STK39: variants seen among roughly 807,000 people sequenced by gnomAD.
STK39 encodes serine/threonine kinase 39.
Under a neutral mutation model 77.8 loss-of-function variants are expected in STK39, and 20 were observed. The observed-to-expected ratio is 0.26, with a 90% CI of 0.18 to 0.37. The LOEUF is 0.37. Ranked by LOEUF, STK39 falls within the 10% of genes least tolerant of loss-of-function variation. The pLI is 1.00. For synonymous variants in STK39, 246 were observed against 234.1 expected, an observed-to-expected ratio of 1.05 and a Z score of -0.47; for missense variants, 479 against 656.5, an observed-to-expected ratio of 0.73 and a Z score of 2.95.
intron 1 of STK39, among the ~76,000 whole-genome samples, chr2:168,223,547 C>T (rs997329235): frequency 6.6e-6 from 1 of 150,528 alleles, no homozygotes; most frequent in East Asian, 1.9e-4. Flanking sequence ...AAATTCACTT[C>T]TTATCCTGAA....
chr2:167,994,236 T>C (rs1261949752), intron 16 of STK39, among the ~76,000 whole-genome samples: 1 of 152,218 alleles, frequency 6.6e-6, no homozygotes, highest in East Asian at 1.9e-4. Context: ...TCTATAAGGA[T>C]TGTTCCACCA....
intron 5 of STK39, among the ~76,000 whole-genome samples, chr2:168,144,887 G>A (rs1688093700): frequency 1.3e-5 from 2 of 151,828 alleles, no homozygotes; most frequent in Admixed American, 1.3e-4. Context: ...AGGATGAAAT[G>A]GGAGAATCGC....
At chr2:168,178,086 G>A (rs1225493094) in intron 2 of STK39, among the ~76,000 whole-genome samples, 3 of 152,166 alleles carry the variant, frequency 2.0e-5, no homozygotes, top group Non-Finnish European at 4.4e-5. Context: ...GATAATTCTG[G>A]TGTTAACAAG....
intron 17 of STK39, among the ~76,000 whole-genome samples, chr2:167,957,345 GGC>G (rs1319692046): frequency 6.6e-6 from 1 of 152,114 alleles, no homozygotes. Context: ...TGTTGACAGG[GGC>G]GATGAGGTCT....
intron 16 of STK39, among the ~76,000 whole-genome samples, chr2:168,005,906 A>G (rs1180026339): frequency 1.3e-5 from 2 of 152,180 alleles, no homozygotes; most frequent in Non-Finnish European, 2.9e-5. Flanking sequence ...AATAGTCCAA[A>G]AGTCTACTGA....
chr2:167,961,037 C>T lies in STK39; in HGVS notation c.1563+3625G>A, dbSNP rs140628868. ...AGTCTGGGGGCCACATGTGGACAGC[C>T]ACTCTTTTAGGCTGGGAGTAGGAGG... On this transcript the variant is annotated intron_variant, in intron 17 of 17. Coordinates refer to ENST00000355999, the MANE Select transcript of STK39 (RefSeq NM_013233.3). 7.7e-3 allele frequency among the ~76,000 whole-genome samples: 1,173 copies of T among 152,268 alleles called. 13 individuals are homozygous for T. Among genetic ancestry groups the T allele is most frequent in the Non-Finnish European group, 8.6e-3 (584 of 68,018 alleles).
intron 14 of STK39, among the ~76,000 whole-genome samples, chr2:168,060,894 C>T (rs767003830): frequency 2.0e-5 from 3 of 151,306 alleles, no homozygotes; most frequent in Non-Finnish European, 4.4e-5. Flanking sequence ...GACTCTTCGC[C>T]CTCAAACTAC....
At chr2:167,963,915 C>T (rs1440499323) in intron 17 of STK39, among the ~76,000 whole-genome samples, 1 of 152,174 alleles carries the variant, frequency 6.6e-6, no homozygotes, top group Non-Finnish European at 1.5e-5. Context: ...TTCTGACCAG[C>T]CTTTGATAAA....
intron 16 of STK39, among the ~76,000 whole-genome samples, chr2:167,989,029 A>G (rs1683633134): frequency 6.6e-6 from 1 of 152,136 alleles, no homozygotes; most frequent in African/African-American, 2.4e-5. Flanking sequence ...CCCAGCTTAC[A>G]TCTCTTGCTG....
intron 1 of STK39, among the ~76,000 whole-genome samples, chr2:168,191,875 G>A (rs1021300860): frequency 3.3e-5 from 5 of 152,222 alleles, no homozygotes; most frequent in Admixed American, 3.3e-4. Flanking sequence ...GCTGTAGGAA[G>A]CAGCTACCAC....
rs1168978114 is a variant in STK39, at chr2:168,042,474, C to A, written c.1376+21026G>T. 3.3e-5 allele frequency among the ~76,000 whole-genome samples: 5 copies of A among 152,114 alleles called. No individual in the cohort carries two copies. In the South Asian group the frequency reaches 8.3e-4, roughly 25 times the overall value. On this transcript the variant is annotated intron_variant, in intron 14 of 17. Transcript: ENST00000355999. ...GTTATGGCACAATTCCTATTTAAGT[C>A]CGGTTAGCCCAGTTCAAAGGTAGGG...
chr2:168,100,734 T>C (rs576679223), intron 10 of STK39, among the ~76,000 whole-genome samples: 1 of 152,322 alleles, frequency 6.6e-6, no homozygotes, highest in South Asian at 2.1e-4. Flanking sequence ...TGTGGAGAAG[T>C]AGGAACTCTT....
In STK39 at chr2:168,039,598, CCAAAAAAAA is replaced by C. The variant is rs1269194727; in HGVS notation, c.1377-22512_1377-22504del. On this transcript the variant is annotated intron_variant, in intron 14 of 17. Transcript: ENST00000355999. ...TGGGCGACAGAGCGAGACTCCGTCT[CCAAAAAAAA>C]AAAAAAAAAAAAAAAGCAGATCAGT... Among the ~76,000 whole-genome samples the C allele has an allele frequency of 9.9e-4, 129 of 130,766 alleles. 32 individuals are homozygous for C. The East Asian group carries it at 0.014, about 14-fold the overall frequency. 85.8% of individuals were successfully genotyped at this position (130,766 alleles called of 152,430 possible).
At chr2:168,199,364 A>G (rs1230239088) in intron 1 of STK39, among the ~76,000 whole-genome samples, 1 of 152,186 alleles carries the variant, frequency 6.6e-6, no homozygotes, top group Non-Finnish European at 1.5e-5. Context: ...CTATCTACAG[A>G]TCAGACACCA....
intron 2 of STK39, among the ~76,000 whole-genome samples, chr2:168,181,045 T>C (rs1259891890): frequency 3.9e-5 from 6 of 152,210 alleles, no homozygotes; most frequent in African/African-American, 1.4e-4. Context: ...TTAATGACAT[T>C]CCATTCTCAA....
intron 5 of STK39, among the ~76,000 whole-genome samples, chr2:168,149,707 C>T (rs17179976): frequency 0.032 from 4,891 of 152,310 alleles, 108 homozygotes; most frequent in Non-Finnish European, 0.051. Context: ...GCAAGAAAAC[C>T]GTTTAGCACA....
chr2:168,035,307 A>C (rs1464566716), intron 14 of STK39, among the ~76,000 whole-genome samples: 1 of 152,216 alleles, frequency 6.6e-6, no homozygotes, highest in Non-Finnish European at 1.5e-5. Context: ...AGTTCCTTTC[A>C]ATTTTAGAAT....
At chr2:168,168,854 G>A (rs1325320787) in intron 2 of STK39, among the ~76,000 whole-genome samples, 1 of 152,106 alleles carries the variant, frequency 6.6e-6, no homozygotes, top group African/African-American at 2.4e-5. Context: ...GTGGTGGTGT[G>A]CGCCTGTAGT....
rs1191744166 is a variant in STK39, at chr2:168,234,990, C to CA, written c.208+12237dup. On this transcript the variant is annotated intron_variant, in intron 1 of 17. Coordinates refer to ENST00000355999, the MANE Select transcript of STK39 (RefSeq NM_013233.3). ...CAACATAGTAAGATTCCATCTCTAACAAAAAAAAAAAAAATTTTAGTAGTA... is the reference window on the plus strand; with the variant it reads ...CAACATAGTAAGATTCCATCTCTAACAAAAAAAAAAAAAAATTTTAGTAGTA... Among the ~76,000 whole-genome samples, 824 of 123,476 alleles carry CA rather than the reference C, an allele frequency of 6.7e-3. 3 individuals are homozygous for CA. Among genetic ancestry groups the CA allele is most frequent in the Non-Finnish European group, 7.5e-3 (428 of 57,008 alleles). The allele number at this position is 123,476 out of a possible 152,430, so 81.0% of individuals were successfully genotyped here.
Sources: gnomAD v4.1 joint callset for allele counts (sites outside exome capture counted in the v4.1 genomes callset) on GRCh38, gnomAD v4.1.1 for gene constraint, MANE v1.5 for transcripts, NCBI Gene and HGNC (gene_info 2026-07-23, HGNC 2026-07-21) for gene names.